Variants in TMEM178B observed in about 807,000 individuals in gnomAD.
The protein encoded by TMEM178B is transmembrane protein 178B.
A neutral mutation model predicts 31.0 loss-of-function variants in TMEM178B; 5 were observed. The observed-to-expected ratio is 0.16, with a 90% CI of 0.08 to 0.34. The LOEUF is 0.34. Ranked by LOEUF, TMEM178B falls within the 10% of genes least tolerant of loss-of-function variation. TMEM178B has a pLI of 1.00. For missense variants in TMEM178B, 275 were observed against 400.3 expected, an observed-to-expected ratio of 0.69 and a Z score of 2.67; for synonymous variants, 164 against 164.0, an observed-to-expected ratio of 1.00 and a Z score of 0.00.
chr7:141,140,817 G>C (rs996765358), intron 1 of TMEM178B, among the ~76,000 whole-genome samples: 2 of 152,226 alleles, frequency 1.3e-5, no homozygotes, highest in Non-Finnish European at 2.9e-5. Flanking sequence ...TTGAGAGGAA[G>C]ACCACAGAGG....
At chr7:141,313,385 G>A (rs1034753290) in intron 2 of TMEM178B, among the ~76,000 whole-genome samples, 1 of 152,086 alleles carries the variant, frequency 6.6e-6, no homozygotes, top group Admixed American at 6.5e-5. Flanking sequence ...CTCCTTGGAA[G>A]TTAGGCTCTC....
At chr7:141,197,922 C>G (rs578224541) in intron 1 of TMEM178B, among the ~76,000 whole-genome samples, 2 of 152,090 alleles carry the variant, frequency 1.3e-5, no homozygotes, top group African/African-American at 4.8e-5. Context: ...CATGAGCCAC[C>G]GCACCCTGCC....
rs562787624 is a variant in TMEM178B at position 141,327,565 on chromosome 7, T to C, written c.497-110043T>C. ...GAATTTTGACAACTATATAAAAACATGTTCAAATCCCTTTTTGGGGCATAA... is the reference window on the plus strand; with the variant it reads ...GAATTTTGACAACTATATAAAAACACGTTCAAATCCCTTTTTGGGGCATAA... On this transcript the variant is annotated intron_variant, in intron 2 of 3. Coordinates refer to ENST00000565468, the MANE Select transcript of TMEM178B (RefSeq NM_001195278.2). Among the ~76,000 whole-genome samples the C allele has an allele frequency of 2.8e-3, 434 of 152,320 alleles. 1 individual carries two copies. The highest frequency in any genetic ancestry group is 7.5e-3 in the South Asian group (36 of 4,830).
intron 1 of TMEM178B, among the ~76,000 whole-genome samples, chr7:141,083,894 T>G (rs1028371894): frequency 6.6e-6 from 1 of 152,204 alleles, no homozygotes; most frequent in Admixed American, 6.5e-5. Context: ...TTTTTTTTTT[T>G]TTTTGAGACA....
chr7:141,351,766 CT>C (rs1448282698), intron 2 of TMEM178B, among the ~76,000 whole-genome samples: 5 of 152,144 alleles, frequency 3.3e-5, no homozygotes, highest in Admixed American at 2.0e-4. Context: ...TTTTATGACC[CT>C]TTTTAGCACC....
At chr7:141,192,961 TC>T (rs1796721627) in intron 1 of TMEM178B, among the ~76,000 whole-genome samples, 1 of 152,160 alleles carries the variant, frequency 6.6e-6, no homozygotes, top group African/African-American at 2.4e-5. Flanking sequence ...TATTCCATCT[TC>T]TGTAAGCAGG....
chr7:141,099,641 A>G (rs562937409), intron 1 of TMEM178B, among the ~76,000 whole-genome samples: 65 of 152,320 alleles, frequency 4.3e-4, no homozygotes, highest in Admixed American at 2.0e-3. Context: ...ATAGATCTAT[A>G]GCAAATCACA....
intron 2 of TMEM178B, among the ~76,000 whole-genome samples, chr7:141,285,107 C>G (rs1157892626): frequency 7.5e-5 from 11 of 146,314 alleles, no homozygotes; most frequent in East Asian, 6.0e-4. Flanking sequence ...AGTTTTTCCA[C>G]TAATGTCCCT....
At chr7:141,468,989 C>T (rs1214404919) in intron 3 of TMEM178B, among the ~76,000 whole-genome samples, 3 of 152,166 alleles carry the variant, frequency 2.0e-5, no homozygotes, top group Non-Finnish European at 4.4e-5. Flanking sequence ...TTCTACCTGG[C>T]GGGCACCATC....
At chr7:141,457,471 T>A (rs1480752862) in intron 3 of TMEM178B, among the ~76,000 whole-genome samples, 3 of 152,140 alleles carry the variant, frequency 2.0e-5, no homozygotes, top group African/African-American at 4.8e-5. Flanking sequence ...ATACAGAAAC[T>A]GAGGCCGAAC....
At chr7:141,382,247 T>A (rs1180535977) in intron 2 of TMEM178B, among the ~76,000 whole-genome samples, 1 of 152,220 alleles carries the variant, frequency 6.6e-6, no homozygotes, top group Non-Finnish European at 1.5e-5. Flanking sequence ...TCCAGACTCC[T>A]CATTATGAAT....
intron 1 of TMEM178B, among the ~76,000 whole-genome samples, chr7:141,167,285 C>T (rs758398925): frequency 7.2e-5 from 11 of 152,360 alleles, no homozygotes; most frequent in South Asian, 6.2e-4. Context: ...TTCGCCCATG[C>T]GTCTGTTACC....
intron 2 of TMEM178B, among the ~76,000 whole-genome samples, chr7:141,406,613 A>G (rs1800890688): frequency 6.6e-6 from 1 of 152,268 alleles, no homozygotes; most frequent in Admixed American, 6.5e-5. Context: ...AATTGTGACT[A>G]ACTCCTAGAA....
At chr7:141,304,850 G>A (rs1474366585) in intron 2 of TMEM178B, among the ~76,000 whole-genome samples, 1 of 152,154 alleles carries the variant, frequency 6.6e-6, no homozygotes, top group Non-Finnish European at 1.5e-5. Flanking sequence ...TGTGATTTCT[G>A]TGTTTGCAAT....
chr7:141,460,385 A>G (rs543526324), intron 3 of TMEM178B, among the ~76,000 whole-genome samples: 2 of 152,310 alleles, frequency 1.3e-5, no homozygotes, highest in South Asian at 4.1e-4. Flanking sequence ...GTCAAATTTG[A>G]TTAGGGCCCA....
chr7:141,459,568 G>A (rs1052933325), intron 3 of TMEM178B, among the ~76,000 whole-genome samples: 6 of 152,152 alleles, frequency 3.9e-5, no homozygotes, highest in Non-Finnish European at 8.8e-5. Flanking sequence ...GGATAATCTC[G>A]TGCTAGGCAT....
At chr7:141,227,371 T>C (rs1285974566) in intron 2 of TMEM178B, among the ~76,000 whole-genome samples, 2 of 152,268 alleles carry the variant, frequency 1.3e-5, no homozygotes, top group African/African-American at 4.8e-5. Context: ...CAGCAATCCC[T>C]GCCCTCATGG....
chr7:141,275,073 A>G (rs1268361153), intron 2 of TMEM178B, among the ~76,000 whole-genome samples: 1 of 152,244 alleles, frequency 6.6e-6, no homozygotes, highest in Admixed American at 6.5e-5. Flanking sequence ...ATCAAAATGT[A>G]AAGCTTTGGT....
rs113388471 is a variant in TMEM178B at position 141,411,059 on chromosome 7, A to C, written c.497-26549A>C. On this transcript the variant is annotated intron_variant, in intron 2 of 3. Coordinates refer to ENST00000565468, the MANE Select transcript of TMEM178B (RefSeq NM_001195278.2). ...TCATGATGATTGCCATTTTACTCGA[A>C]TAAAATAAAAAAAGAAAAATTTTTA... 1.2e-3 allele frequency among the ~76,000 whole-genome samples: 184 copies of C among 151,000 alleles called. No individual in the cohort carries two copies. The South Asian group carries it at 0.013, about 10-fold the overall frequency.
Sources: allele counts gnomAD v4.1 joint callset (sites outside exome capture counted in the v4.1 genomes callset), GRCh38; gene constraint gnomAD v4.1.1; transcripts MANE v1.5; gene names NCBI Gene and HGNC (gene_info 2026-07-23, HGNC 2026-07-21).